MAST4: variants seen among roughly 807,000 people sequenced by gnomAD.
MAST4 encodes microtubule associated serine/threonine kinase family member 4.
A neutral mutation model predicts 162.7 loss-of-function variants in MAST4; 89 were observed. The observed-to-expected ratio is 0.55, with a 90% CI of 0.46 to 0.65. The LOEUF (loss-of-function observed/expected upper bound fraction) is 0.65, where lower values mean the gene tolerates loss of function less well. Ranked by LOEUF, MAST4 falls within the 30% of genes least tolerant of loss-of-function variation. The probability of loss-of-function intolerance (pLI) is 0.00; values close to 1 mark genes in which losing one functional copy is unlikely to be tolerated. For missense variants in MAST4, 3,153 were observed against 3,374.0 expected, an observed-to-expected ratio of 0.93 and a Z score of 1.62; for synonymous variants, 1,479 against 1,361.1, an observed-to-expected ratio of 1.09 and a Z score of -1.91.
intron 4 of MAST4, among the ~76,000 whole-genome samples, chr5:66,929,124 G>A (rs962118701): frequency 2.0e-5 from 3 of 152,196 alleles, no homozygotes; most frequent in Admixed American, 1.3e-4. Flanking sequence ...CAGTAGCATG[G>A]TTCAGCACAA....
At chr5:66,868,892 A>G (rs1007471223) in intron 3 of MAST4, among the ~76,000 whole-genome samples, 3 of 152,160 alleles carry the variant, frequency 2.0e-5, no homozygotes, top group Non-Finnish European at 4.4e-5. Flanking sequence ...TGGGTTTAAT[A>G]TCAACATCTG....
chr5:66,743,813 T>C (rs1752602329), intron 1 of MAST4, among the ~76,000 whole-genome samples: 1 of 152,226 alleles, frequency 6.6e-6, no homozygotes, highest in Admixed American at 6.5e-5. Context: ...TCGTGGATTA[T>C]ACTTATAATT....
At chr5:67,017,148 A>G (rs1753395853) in intron 4 of MAST4, among the ~76,000 whole-genome samples, 1 of 152,248 alleles carries the variant, frequency 6.6e-6, no homozygotes, top group South Asian at 2.1e-4. Flanking sequence ...AAACAATTGC[A>G]TAAGAATAGA....
At chr5:66,967,298 CAG>C (rs772098733) in intron 4 of MAST4, among the ~76,000 whole-genome samples, 3 of 152,166 alleles carry the variant, frequency 2.0e-5, no homozygotes, top group Non-Finnish European at 2.9e-5. Context: ...GCAGGCTGTA[CAG>C]AGACATGAGT....
At chr5:67,000,787 C>G (rs540616470) in intron 4 of MAST4, among the ~76,000 whole-genome samples, 1 of 150,388 alleles carries the variant, frequency 6.6e-6, no homozygotes, top group African/African-American at 2.4e-5. Context: ...AACAGGTGGG[C>G]AGTAGACAGA....
intron 1 of MAST4, among the ~76,000 whole-genome samples, chr5:66,645,116 G>A (rs59738841): frequency 0.075 from 11,443 of 152,102 alleles, 851 homozygotes; most frequent in East Asian, 0.42. Flanking sequence ...GAGACACTGG[G>A]TCTTTAATCC....
chr5:66,842,317 G>C (rs78792522), intron 3 of MAST4, among the ~76,000 whole-genome samples: 1 of 152,276 alleles, frequency 6.6e-6, no homozygotes, highest in Non-Finnish European at 1.5e-5. Flanking sequence ...ATGTAGCAGA[G>C]AAGGCATCTA....
Position 67,164,888 on chromosome 5 carries a change from C to T in MAST4, c.5709C>T (p.Pro1903=). 6.2e-7 allele frequency: 1 copy of T among 1,614,000 alleles called. No homozygotes were observed. Among genetic ancestry groups the T allele is most frequent in the Non-Finnish European group, 8.5e-7 (1 of 1,179,898 alleles). Reference sequence around the variant, plus strand: ...AGTTCAAGAGGGACAGGAAAGGTCCCCATCCTACTGCCAGGAGCCCTGGAA... The same window carrying T: ...AGTTCAAGAGGGACAGGAAAGGTCCTCATCCTACTGCCAGGAGCCCTGGAA... ...DPEFKRDRKG[P]HPTARSPGTV... Residue 1903 remains proline (P), a synonymous_variant, in exon 29 of 29, where the codon CCC becomes CCT. Transcript: ENST00000403625. The surrounding 1 kb of genome is among the most constrained non-coding windows in gnomAD (Gnocchi z 5.3).
At chr5:66,715,639 G>A (rs1174309149) in intron 1 of MAST4, among the ~76,000 whole-genome samples, 2 of 146,354 alleles carry the variant, frequency 1.4e-5, no homozygotes, top group East Asian at 4.1e-4. Context: ...CCTGCACATT[G>A]TGCACATGTA....
chr5:67,055,397 C>CT (rs1404876084), intron 5 of MAST4, among the ~76,000 whole-genome samples: 2 of 152,140 alleles, frequency 1.3e-5, no homozygotes, highest in African/African-American at 4.8e-5. Context: ...TGTGAAAACT[C>CT]TAATTTGATA....
rs1009164879 is a variant in MAST4 at position 66,709,591 on chromosome 5, A to G, written c.364-50118A>G. 4.3e-4 allele frequency among the ~76,000 whole-genome samples: 66 copies of G among 152,298 alleles called. 1 individual carries two copies. The highest frequency in any genetic ancestry group is 1.5e-3 in the African/African-American group (62 of 41,556). On this transcript the variant is annotated intron_variant, in intron 1 of 28. Transcript: ENST00000403625. The stretch of plus-strand genomic sequence containing the variant: ...CTCGGCCTCCCAAAGTGCTGGGGTT[A>G]TAAGCATGAGCCACCATATGCAGCC...
chr5:67,152,364 A>G (rs1771935847), intron 24 of MAST4, among the ~76,000 whole-genome samples: 2 of 152,266 alleles, frequency 1.3e-5, no homozygotes, highest in South Asian at 4.1e-4. Flanking sequence ...AAACTAAAAA[A>G]TTATAACATG....
chr5:66,998,674 C>A (rs1750939435), intron 4 of MAST4, among the ~76,000 whole-genome samples: 2 of 152,190 alleles, frequency 1.3e-5, no homozygotes, highest in Non-Finnish European at 2.9e-5. Context: ...ACCCCTTCAC[C>A]CCCAATCCTT....
At chr5:66,922,806 TG>T (rs1322701198) in intron 4 of MAST4, among the ~76,000 whole-genome samples, 3 of 152,258 alleles carry the variant, frequency 2.0e-5, no homozygotes, top group African/African-American at 4.8e-5. Flanking sequence ...AATGCCATCC[TG>T]AGGTGTGGAA....
In MAST4 at chr5:67,152,869, A is replaced by G. The variant is rs1370408129; in HGVS notation, c.3525+3A>G. On this transcript the variant is annotated splice_donor_region_variant and intron_variant, in intron 25 of 28. Transcript: ENST00000403625. ...ATACAGTGCACCATATCGTCTGGGT[A>G]AGACCTGCATGTCTCGCACTTGGGA... 1.2e-6 allele frequency: 2 copies of G among 1,609,278 alleles called. No homozygotes were observed. The highest frequency in any genetic ancestry group is 1.7e-5 in the Admixed American group (1 of 59,912).
At chr5:66,963,170 T>G (rs1746232655) in intron 4 of MAST4, among the ~76,000 whole-genome samples, 1 of 152,176 alleles carries the variant, frequency 6.6e-6, no homozygotes, top group Admixed American at 6.5e-5. Context: ...TTGAAATTAT[T>G]TATTTTGAAT....
intron 5 of MAST4, among the ~76,000 whole-genome samples, chr5:67,086,681 C>T (rs368467018): frequency 1.3e-5 from 2 of 152,204 alleles, no homozygotes; most frequent in East Asian, 3.8e-4. Flanking sequence ...AAGTGCTGCA[C>T]ATATGGGCAG....
chr5:66,825,517 C>G (rs189895634), intron 3 of MAST4, among the ~76,000 whole-genome samples: 1 of 152,302 alleles, frequency 6.6e-6, no homozygotes, highest in East Asian at 1.9e-4. Context: ...CCAAACATCA[C>G]CATGGACAAT....
At chr5:66,642,957 A>G (rs879362208) in intron 1 of MAST4, among the ~76,000 whole-genome samples, 25 of 152,174 alleles carry the variant, frequency 1.6e-4, no homozygotes, top group Admixed American at 5.9e-4. Context: ...GTGCCATGCC[A>G]TGAGTGTAAA....
Sources: gnomAD v4.1 joint callset for allele counts (sites outside exome capture counted in the v4.1 genomes callset) on GRCh38, gnomAD v4.1.1 for gene constraint, Gnocchi (gnomAD v3.1) non-coding constraint, MANE v1.5 for transcripts, NCBI Gene and HGNC (gene_info 2026-07-23, HGNC 2026-07-21) for gene names.